The following SRP72 variants were observed in gnomAD, a reference collection of about 807,000 sequenced individuals.
SRP72 encodes signal recognition particle subunit SRP72.
Under a neutral mutation model 96.3 loss-of-function variants are expected in SRP72, and 49 were observed. The ratio of observed to expected loss-of-function variants is 0.51; its 90% CI spans 0.40 to 0.65. The LOEUF is 0.65. Ranked by LOEUF, SRP72 falls within the 30% of genes least tolerant of loss-of-function variation. SRP72 has a pLI of 0.00. For missense variants in SRP72, 736 were observed against 793.3 expected (o/e 0.93, Z 0.87); for synonymous variants, 267 against 275.2 (o/e 0.97, Z 0.30).
intron 8 of SRP72, among the ~76,000 whole-genome samples, chr4:56,481,628 T>C (rs1176411402): frequency 1.3e-5 from 2 of 152,118 alleles, no homozygotes; most frequent in African/African-American, 2.4e-5. Flanking sequence ...GGTACAGATA[T>C]GTTTCTGAGG....
At chr4:56,467,853 C>A (rs1719797242) in intron 1 of SRP72, 109 bp downstream of exon 1, 2 of 1,064,888 alleles carry the variant, frequency 1.9e-6, no homozygotes, top group African/African-American at 3.3e-5. Context: ...GGGAGACCCC[C>A]GAAACCCCCC....
chr4:56,489,361 C>A, intron 12 of SRP72, 27 bp from the exon 13 acceptor site: 1 of 1,370,904 alleles, frequency 7.3e-7, no homozygotes, highest in Non-Finnish European at 1.0e-6. Flanking sequence ...AGGGGGAGTT[C>A]ACTAATTTAT....
At chr4:56,471,353 T>C (rs1489573906) in intron 2 of SRP72, among the ~76,000 whole-genome samples, 3 of 152,248 alleles carry the variant, frequency 2.0e-5, no homozygotes, top group Non-Finnish European at 4.4e-5. Context: ...TATGGCTTAT[T>C]GTTTTGTTAA....
intron 14 of SRP72, 25 bp from the exon 15 acceptor site, chr4:56,490,543 A>G (rs371419485): frequency 2.0e-5 from 33 of 1,609,966 alleles, no homozygotes; most frequent in Admixed American, 1.5e-4. Context: ...AAACAGTTCA[A>G]TAATTTTCTT....
At chr4:56,497,587 A>G (rs187828535) in intron 17 of SRP72, among the ~76,000 whole-genome samples, 45 of 152,186 alleles carry the variant, frequency 3.0e-4, no homozygotes, top group African/African-American at 1.0e-3. Context: ...AATCATCTTC[A>G]TTGATAGATA....
rs751042558 is a variant in SRP72 at position 56,484,859 on chromosome 4, C to T, written c.1081C>T (p.Leu361Phe). The T allele has an allele frequency of 1.2e-5, 19 of 1,606,712 alleles. 2 individuals are homozygous for T. The South Asian group carries it at 1.5e-4, about 12-fold the overall frequency. The change falls in exon 10 of 19, where the codon CTT (leucine) becomes TTT (phenylalanine). Residue 361 changes from leucine (L) to phenylalanine (F), a missense_variant. Leu to Phe is a conservative substitution (Grantham distance 22). Transcript: ENST00000642900. ...EKQHTKAIELLQEFSDQHPEN... is the reference protein window; with the variant it reads ...EKQHTKAIELFQEFSDQHPEN... ...GCAGCACACAAAAGCAATAGAGCTG[C>T]TTCAGGTAAAATAATTACTTGAATG...
chr4:56,480,337 G>T (rs1252899794), intron 8 of SRP72, among the ~76,000 whole-genome samples: 4 of 152,110 alleles, frequency 2.6e-5, no homozygotes, highest in African/African-American at 9.7e-5. Flanking sequence ...TCGGCTTACT[G>T]CAGCCTCCAC....
At chr4:56,467,823 C>G in intron 1 of SRP72, 79 bp downstream of exon 1, 1 of 1,302,726 alleles carries the variant, frequency 7.7e-7, no homozygotes, top group African/African-American at 1.6e-5. Flanking sequence ...GAGACCACCT[C>G]GCGCGGGAGG....
chr4:56,497,006 T>C (rs1220940023), intron 17 of SRP72, among the ~76,000 whole-genome samples: 3 of 152,076 alleles, frequency 2.0e-5, no homozygotes, highest in African/African-American at 7.2e-5. Context: ...AAAAAAAGCA[T>C]GCTCCCAGAG....
intron 1 of SRP72, among the ~76,000 whole-genome samples, chr4:56,469,101 A>T (rs1719863704): frequency 6.6e-6 from 1 of 152,228 alleles, no homozygotes; most frequent in Non-Finnish European, 1.5e-5. Flanking sequence ...TATACTTTAT[A>T]AGATTTTTCC....
intron 17 of SRP72, among the ~76,000 whole-genome samples, chr4:56,498,352 T>C (rs905064110): frequency 2.0e-5 from 3 of 152,184 alleles, no homozygotes; most frequent in African/African-American, 4.8e-5. Flanking sequence ...GCATTCCCTT[T>C]GAAAACCGGC....
chr4:56,486,482 G>C, intron 11 of SRP72, 85 bp downstream of exon 11: 1 of 1,105,746 alleles, frequency 9.0e-7, no homozygotes, highest in Non-Finnish European at 1.3e-6. Context: ...GTGATTTTAA[G>C]TTTTTTTGTG....
chr4:56,471,577 T>C, intron 2 of SRP72, 143 bp from the exon 3 acceptor site: 1 of 844,382 alleles, frequency 1.2e-6, no homozygotes, highest in Non-Finnish European at 1.7e-6. Context: ...ACAAGCTATC[T>C]GATATTTAGA....
intron 5 of SRP72, chr4:56,476,451 A>G (rs1374717847): frequency 7.4e-6 from 4 of 537,418 alleles, no homozygotes; most frequent in Non-Finnish European, 1.3e-5. Flanking sequence ...TTTTTAGCAC[A>G]GACACAACAA....
chr4:56,486,923 T>C (rs903517857), intron 11 of SRP72, among the ~76,000 whole-genome samples: 1 of 152,218 alleles, frequency 6.6e-6, no homozygotes, highest in Non-Finnish European at 1.5e-5. Context: ...TAACTTTGAA[T>C]ATCTAGAGCC....
chr4:56,497,598 T>C (rs914462301), intron 17 of SRP72, among the ~76,000 whole-genome samples: 7 of 152,172 alleles, frequency 4.6e-5, no homozygotes, highest in African/African-American at 1.7e-4. Flanking sequence ...TTGATAGATA[T>C]TTAAGTTATT....
intron 8 of SRP72, among the ~76,000 whole-genome samples, chr4:56,482,935 G>C (rs1415484543): frequency 6.6e-6 from 1 of 152,214 alleles, no homozygotes; most frequent in Non-Finnish European, 1.5e-5. Flanking sequence ...TACATGAGTA[G>C]ATTTGAATTG....
intron 17 of SRP72, among the ~76,000 whole-genome samples, chr4:56,499,331 T>G (rs1472612938): frequency 1.3e-5 from 2 of 152,204 alleles, no homozygotes; most frequent in African/African-American, 4.8e-5. Context: ...AAGAACTTCA[T>G]GACTAAAACC....
intron 6 of SRP72, among the ~76,000 whole-genome samples, chr4:56,477,545 A>G (rs1232724824): frequency 6.6e-6 from 1 of 152,090 alleles, no homozygotes; most frequent in East Asian, 1.9e-4. Context: ...CTCCCACCTC[A>G]GCCTCCTAAA....
Sources: allele counts gnomAD v4.1 joint callset (sites outside exome capture counted in the v4.1 genomes callset), GRCh38; gene constraint gnomAD v4.1.1; transcripts MANE v1.5; gene names NCBI Gene and HGNC (gene_info 2026-07-23, HGNC 2026-07-21).